The following APC2 variants were observed in gnomAD, a reference collection of about 807,000 sequenced individuals.
APC2 encodes the protein APC regulator of Wnt signaling pathway 2, also known as adenomatous polyposis coli protein 2.
A neutral mutation model predicts 72.5 loss-of-function variants in APC2; 41 were observed. The observed-to-expected ratio is 0.57, with a 90% CI of 0.44 to 0.73. The LOEUF (loss-of-function observed/expected upper bound fraction) is 0.73, where lower values mean the gene tolerates loss of function less well. Among genes scored for constraint, APC2 ranks in the 30% least tolerant of loss-of-function variants. The pLI is 0.00. For synonymous variants in APC2, 1,898 were observed against 1,612.0 expected (o/e 1.18, Z -4.25); for missense variants, 3,729 against 3,403.4 (o/e 1.10, Z -2.38).
chr19:1,455,322 G>C, intron 5 of APC2, 62 bp from the exon 6 acceptor site: 1 of 1,586,948 alleles, frequency 6.3e-7, no homozygotes, highest in Non-Finnish European at 8.6e-7. Flanking sequence ...AAGCGGCGTG[G>C]GGGAGGAACG....
intron 10 of APC2, 114 bp downstream of exon 10, chr19:1,458,174 G>T: frequency 1.0e-6 from 1 of 957,400 alleles, no homozygotes; most frequent in Non-Finnish European, 1.6e-6. Flanking sequence ...GGGGATTGGA[G>T]CCCGGAGAGG....
upstream of APC2, among the ~76,000 whole-genome samples, chr19:1,449,412 C>G (rs1448415830): frequency 6.6e-6 from 1 of 152,206 alleles, no homozygotes; most frequent in African/African-American, 2.4e-5. Flanking sequence ...TGGCCCTTCC[C>G]TCCTCTGGCC....
chr19:1,470,177 AGCCCCGGCCACT>A lies in APC2; in HGVS notation c.6880_6891del (p.Pro2294_Ala2297del). On this transcript the variant is annotated inframe_deletion, in exon 15 of 15. Transcript: ENST00000590469. ...CCACCACCGACTCGGCCGCGGAGAAAGCCCCGGCCACTGCCTCCGCCACCCTCCTGGAATAGT... is the reference window on the plus strand; with the variant it reads ...CCACCACCGACTCGGCCGCGGAGAAAGCCTCCGCCACCCTCCTGGAATAGT... 6.2e-7 allele frequency: 1 copy of A among 1,602,020 alleles called. No individual in the cohort carries two copies. Among genetic ancestry groups the A allele is most frequent in the Non-Finnish European group, 8.5e-7 (1 of 1,176,270 alleles).
In APC2 at chr19:1,462,122, G is replaced by A. The variant is rs376901474; in HGVS notation, c.1798G>A (p.Gly600Ser). The change falls in exon 14 of 15, where the codon GGC (glycine) becomes AGC (serine). Residue 600 changes from glycine to serine, a missense_variant. Transcript: ENST00000590469. The part of the protein sequence containing the change: ...QSNSLAIIES[G>S]GGILRNVSSL... ...CAACTCGCTGGCCATCATCGAGAGCGGCGGCGGCATCCTCCGCAATGTGTC... is the reference window on the plus strand; with the variant it reads ...CAACTCGCTGGCCATCATCGAGAGCAGCGGCGGCATCCTCCGCAATGTGTC... The A allele has an allele frequency of 5.1e-5, 83 of 1,612,408 alleles. No homozygotes were observed. The highest frequency in any genetic ancestry group is 9.3e-5 in the African/African-American group (7 of 74,920).
chr19:1,453,650 C>T (rs1341085387), intron 4 of APC2, 39 bp downstream of exon 4: 1 of 1,562,512 alleles, frequency 6.4e-7, no homozygotes, highest in East Asian at 2.4e-5. Context: ...GCAGCTGGAG[C>T]ATGACTCGGT....
intron 13 of APC2, chr19:1,461,373 G>A (rs893522353): frequency 3.2e-5 from 19 of 588,462 alleles, no homozygotes; most frequent in Non-Finnish European, 4.9e-5. Flanking sequence ...TCAGGAGTTC[G>A]AGACCAGCCT....
Position 1,466,876 on chromosome 19 carries a change from C to G in APC2, c.3575C>G (p.Thr1192Ser), listed in dbSNP as rs1162533742. The part of the protein sequence containing the change: ...SEPCSGQGSG[T>S]ISPSELPDSP... Reference sequence around the variant, plus strand: ...CCTTGCAGCGGGCAGGGCAGCGGCACCATCAGCCCTAGCGAGCTGCCCGAC... The same window carrying G: ...CCTTGCAGCGGGCAGGGCAGCGGCAGCATCAGCCCTAGCGAGCTGCCCGAC... The change falls in exon 15 of 15, where the codon ACC (threonine) becomes AGC (serine). Residue 1192 changes from threonine (T) to serine (S), a missense_variant. Transcript: ENST00000590469. The G allele has an allele frequency of 1.3e-6, 2 of 1,568,154 alleles. No homozygotes were observed. The highest frequency in any genetic ancestry group is 2.7e-5 in the African/African-American group (2 of 74,092).
At position 1,469,904 on chromosome 19, in the gene APC2, C is replaced by A. The variant is rs1463091817; in HGVS notation, c.6603C>A (p.Thr2201=). The A allele has an allele frequency of 3.3e-6, 5 of 1,523,808 alleles. No individual in the cohort carries two copies. The South Asian group carries it at 6.0e-5, about 18-fold the overall frequency. The allele number at this position is 1,523,808 out of a possible 1,614,324, so 94.4% of individuals were successfully genotyped here. A position where few individuals can be genotyped will look rare whatever the true frequency, so the allele number is the denominator to read the frequency against. ...VQTEEVAAPK[T]NSSTSPSLET... ...CCGAGGAGGTCGCCGCCCCCAAGAC[C>A]AACTCCAGCACGTCCCCGAGCCTGG... The change falls in exon 15 of 15, where the codon ACC becomes ACA. Residue 2201 remains threonine (T), a synonymous_variant. Coordinates refer to ENST00000590469, the MANE Select transcript of APC2 (RefSeq NM_005883.3).
Position 1,452,851 on chromosome 19 carries a change from C to T in APC2, c.-18-133C>T, listed in dbSNP as rs2083760145. On this transcript the variant is annotated intron_variant, in intron 1 of 14. Coordinates refer to ENST00000590469, the MANE Select transcript of APC2 (RefSeq NM_005883.3). The surrounding 1 kb of genome is among the most constrained non-coding windows in gnomAD (Gnocchi z 5.1). The stretch of plus-strand genomic sequence containing the variant: ...GGCCTGTACTTGTCCACACCAGTGA[C>T]TCCTGCCTGAGACCCCCCCCAACCC... The T allele has an allele frequency of 4.4e-6, 5 of 1,139,426 alleles. No homozygotes were observed. Among genetic ancestry groups the T allele is most frequent in the Middle Eastern group, 3.0e-4 (1 of 3,324 alleles). The allele number at this position is 1,139,426 out of a possible 1,614,324, so 70.6% of individuals were successfully genotyped here.
At chr19:1,461,184 C>A (rs1282074530) in intron 13 of APC2, 31 bp downstream of exon 13, 5 of 1,570,848 alleles carry the variant, frequency 3.2e-6, no homozygotes, top group Non-Finnish European at 4.3e-6. Flanking sequence ...AGGGATGCTT[C>A]TTCAGTCACT....
intron 10 of APC2, among the ~76,000 whole-genome samples, chr19:1,459,673 T>C (rs2083893290): frequency 1.3e-5 from 2 of 151,766 alleles, no homozygotes; most frequent in African/African-American, 4.9e-5. Context: ...CCTCTCCCTC[T>C]GACTCACAGG....
Position 1,458,346 on chromosome 19 carries a change from G to C in APC2, c.1303+286G>C, listed in dbSNP as rs114093647. 8.5e-4 allele frequency: 402 copies of C among 470,426 alleles called. 5 individuals are homozygous for C. The highest frequency in any genetic ancestry group is 7.4e-3 in the African/African-American group (373 of 50,668). The allele number at this position is 470,426 out of a possible 1,614,324, so 29.1% of individuals were successfully genotyped here. A position where few individuals can be genotyped will look rare whatever the true frequency, so the allele number is the denominator to read the frequency against. ...GCTCAGAACAGGGAACGGACCAGAA[G>C]GGCAAAGATAGATAGAAGACAGGCC... On this transcript the variant is annotated intron_variant, in intron 10 of 14. Transcript: ENST00000590469.
At chr19:1,457,425 C>G (rs2083852104) in intron 9 of APC2, 182 bp downstream of exon 9, 2 of 854,638 alleles carry the variant, frequency 2.3e-6, no homozygotes, top group Non-Finnish European at 3.4e-6. Flanking sequence ...CGCCCATGAT[C>G]GTACCTGGCG....
chr19:1,457,080 C>T lies in APC2; in HGVS notation c.1044C>T (p.Asn348=), dbSNP rs1173051309. 16 of 1,560,942 alleles carry T rather than the reference C, an allele frequency of 1.0e-5. No homozygotes were observed. The highest frequency in any genetic ancestry group is 2.8e-5 in the African/African-American group (2 of 72,436). The change falls in exon 9 of 15, where the codon AAC becomes AAT. Residue 348 remains asparagine (N), a synonymous_variant. Coordinates refer to ENST00000590469, the MANE Select transcript of APC2 (RefSeq NM_005883.3). ...PGAKDARMRA[N]AALHNIVFSQ... ...CCAAGGACGCACGCATGCGCGCCAA[C>T]GCGGCGCTGCACAACATCGTCTTCT...
chr19:1,470,051 G>C lies in APC2; in HGVS notation c.6750G>C (p.Gly2250=), dbSNP rs764798508. The change falls in exon 15 of 15, where the codon GGG becomes GGC. Residue 2250 remains glycine (G), a synonymous_variant. Coordinates refer to ENST00000590469, the MANE Select transcript of APC2 (RefSeq NM_005883.3). The part of the protein sequence containing the change: ...ISAPFVHEGL[G]VAVGGFPASR... ...CACCCTTCGTGCACGAGGGCCTGGG[G>C]GTCGCCGTGGGGGGCTTCCCCGCCA... The C allele has an allele frequency of 6.3e-7, 1 of 1,580,102 alleles. No homozygotes were observed. Among genetic ancestry groups the C allele is most frequent in the African/African-American group, 1.4e-5 (1 of 73,868 alleles).
chr19:1,457,284 G>T (rs909648594), intron 9 of APC2, 41 bp downstream of exon 9: 21 of 1,484,378 alleles, frequency 1.4e-5, no homozygotes, highest in African/African-American at 7.3e-5. Context: ...CGCAATTAAC[G>T]TGCAGCTAGG....
At chr19:1,446,577 G>T, upstream of APC2, among the ~76,000 whole-genome samples, 1 of 151,922 alleles carries the variant, frequency 6.6e-6, no homozygotes, top group East Asian at 2.0e-4. The surrounding 1 kb of genome is among the most constrained non-coding windows in gnomAD (Gnocchi z 6.1). Context: ...CCAGCCCCGG[G>T]TCTGCGCAAG....
In APC2 at chr19:1,456,300, C is replaced by G. The variant is rs750540977; in HGVS notation, c.718-6C>G. On this transcript the variant is annotated splice_polypyrimidine_tract_variant and splice_region_variant and intron_variant, in intron 7 of 14. Coordinates refer to ENST00000590469, the MANE Select transcript of APC2 (RefSeq NM_005883.3). Reference sequence around the variant, plus strand: ...TGTACCCCCGACCCTGGTGCTCTCCCTGCAGGCCTTGCTGGCGGTGAAGTC... The same window carrying G: ...TGTACCCCCGACCCTGGTGCTCTCCGTGCAGGCCTTGCTGGCGGTGAAGTC... 20 of 1,605,392 alleles carry G rather than the reference C, an allele frequency of 1.2e-5. No homozygotes were observed. Among genetic ancestry groups the G allele is most frequent in the Non-Finnish European group, 1.4e-5 (16 of 1,176,836 alleles).
In APC2 at chr19:1,467,429, G is replaced by T; in HGVS notation, c.4128G>T (p.Leu1376Phe). Reference sequence around the variant, plus strand: ...CACTCCCCGTGCCCGTCTACATGTTGGTGCCCGCCCCGGCCCCGGCCCAGG... The same window carrying T: ...CACTCCCCGTGCCCGTCTACATGTTTGTGCCCGCCCCGGCCCCGGCCCAGG... ...RRALPVPVYMLVPAPAPAQED... is the reference protein window; with the variant it reads ...RRALPVPVYMFVPAPAPAQED... The change falls in exon 15 of 15, where the codon TTG becomes TTT. Residue 1376 changes from leucine to phenylalanine, a missense_variant. By Grantham distance (22) the Leu-to-Phe change is conservative (BLOSUM62 0). Coordinates refer to ENST00000590469, the MANE Select transcript of APC2 (RefSeq NM_005883.3). The T allele has an allele frequency of 6.7e-7, 1 of 1,485,222 alleles. No homozygotes were observed. Among genetic ancestry groups the T allele is most frequent in the South Asian group, 1.3e-5 (1 of 78,260 alleles). 92.0% of individuals were successfully genotyped at this position (1,485,222 alleles called of 1,614,324 possible). A position where few individuals can be genotyped will look rare whatever the true frequency, so the allele number is the denominator to read the frequency against.
Sources: allele counts gnomAD v4.1 joint callset (sites outside exome capture counted in the v4.1 genomes callset), GRCh38; gene constraint gnomAD v4.1.1; non-coding constraint Gnocchi (gnomAD v3.1); transcripts MANE v1.5; gene names NCBI Gene and HGNC (gene_info 2026-07-23, HGNC 2026-07-21).